The following ZNF536 variants were observed in gnomAD, a reference collection of about 807,000 sequenced individuals.
ZNF536 encodes the protein zinc finger protein 536.
Under a neutral mutation model 84.5 loss-of-function variants are expected in ZNF536, and 13 were observed. That is an observed-to-expected ratio of 0.15 (90% confidence interval 0.10 to 0.24). ZNF536 has a LOEUF of 0.24. Among genes scored for constraint, ZNF536 ranks in the 10% least tolerant of loss-of-function variants. The pLI is 1.00. For missense variants in ZNF536, 1,536 were observed against 1,747.5 expected, an observed-to-expected ratio of 0.88 and a Z score of 2.16; for synonymous variants, 811 against 742.5, an observed-to-expected ratio of 1.09 and a Z score of -1.50.
chr19:30,576,292 G>C (rs1370151585), intron 1 of ZNF536, among the ~76,000 whole-genome samples: 4 of 152,118 alleles, frequency 2.6e-5, no homozygotes, highest in African/African-American at 9.7e-5. Context: ...CCTTGTTCCG[G>C]TGTCAGTGAC....
intron 2 of ZNF536, among the ~76,000 whole-genome samples, chr19:30,517,810 C>A (rs1166099466): frequency 6.6e-6 from 1 of 152,022 alleles, no homozygotes; most frequent in Non-Finnish European, 1.5e-5. Context: ...TACATACATA[C>A]AAACAAAAAA....
At chr19:30,364,059 G>A (rs1022117677) in intron 3 of ZNF536, among the ~76,000 whole-genome samples, 10 of 152,214 alleles carry the variant, frequency 6.6e-5, no homozygotes, top group African/African-American at 2.2e-4. Flanking sequence ...GGTGTGAGAT[G>A]TATAGGATAT....
At chr19:30,335,203 C>T (rs749585866) in intron 2 of ZNF536, among the ~76,000 whole-genome samples, 9 of 152,186 alleles carry the variant, frequency 5.9e-5, no homozygotes, top group Non-Finnish European at 1.2e-4. Context: ...GGCTGTGTAT[C>T]GCTCCCACCC....
At chr19:30,454,960 G>C (rs576906453) in intron 2 of ZNF536, among the ~76,000 whole-genome samples, 73 of 152,326 alleles carry the variant, frequency 4.8e-4, no homozygotes, top group African/African-American at 1.4e-3. Flanking sequence ...TTGAATCCGG[G>C]AGGAGGAGGT....
At chr19:30,636,771 A>T (rs2049083616) in intron 1 of ZNF536, among the ~76,000 whole-genome samples, 1 of 152,150 alleles carries the variant, frequency 6.6e-6, no homozygotes, top group Non-Finnish European at 1.5e-5. Flanking sequence ...GTAGAGTGGG[A>T]TCATTTTCTG....
At chr19:30,700,821 G>C (rs1185186553) in intron 1 of ZNF536, among the ~76,000 whole-genome samples, 1 of 152,222 alleles carries the variant, frequency 6.6e-6, no homozygotes, top group East Asian at 1.9e-4. Context: ...AAGACCTATA[G>C]TTTCTTACCT....
At chr19:30,636,367 C>T (rs2049064999) in intron 1 of ZNF536, among the ~76,000 whole-genome samples, 4 of 152,280 alleles carry the variant, frequency 2.6e-5, no homozygotes, top group Admixed American at 6.5e-5. Context: ...CGTGTCCTGG[C>T]TCCACTGTGG....
intron 2 of ZNF536, among the ~76,000 whole-genome samples, chr19:30,293,844 T>C (rs995029348): frequency 5.3e-5 from 8 of 152,206 alleles, no homozygotes; most frequent in African/African-American, 1.7e-4. Context: ...TGCTAAATAC[T>C]GGAAGAAGGG....
intron 1 of ZNF536, among the ~76,000 whole-genome samples, chr19:30,702,454 C>T (rs779554195): frequency 2.5e-4 from 38 of 151,810 alleles, no homozygotes; most frequent in Non-Finnish European, 4.6e-4. Context: ...TGAGGTGGGG[C>T]GGGCAGTTGG....
intron 1 of ZNF536, among the ~76,000 whole-genome samples, chr19:30,612,832 G>C (rs2048148355): frequency 1.3e-5 from 2 of 152,142 alleles, no homozygotes; most frequent in Non-Finnish European, 2.9e-5. Flanking sequence ...TTAATCTATA[G>C]ACCTTGTTAA....
In ZNF536 at chr19:30,549,271, G is replaced by T; in HGVS notation, c.3652G>T (p.Val1218Phe). ...GCAGCCCACAGGCACCTCCCAGCCC[G>T]TCCAGGGACTGGTCTCACCTTTATC... The part of the protein sequence containing the change: ...SLQPTGTSQP[V>F]QGLVSPLSQA... Residue 1218 changes from valine (V) to phenylalanine (F), a missense_variant, in exon 4 of 5, where the codon GTC (valine) becomes TTC (phenylalanine). Val to Phe is a conservative substitution (Grantham distance 50). Around this residue, in one of 8 missense-constraint regions of ZNF536, gnomAD observed 624 missense variants for 603.1 expected, o/e 1.03. Coordinates refer to ENST00000355537, the MANE Select transcript of ZNF536 (RefSeq NM_014717.3). 1.2e-6 allele frequency: 2 copies of T among 1,613,850 alleles called. No individual in the cohort carries two copies. The highest frequency in any genetic ancestry group is 2.7e-5 in the African/African-American group (2 of 75,076).
At chr19:30,281,111 G>A (rs761713402) in intron 1 of ZNF536, among the ~76,000 whole-genome samples, 13 of 152,028 alleles carry the variant, frequency 8.6e-5, no homozygotes, top group Non-Finnish European at 1.3e-4. Context: ...ATCTTCCTGT[G>A]CTCCCACTTC....
At position 30,452,038 on chromosome 19, in the gene ZNF536, G is replaced by A. The variant is rs1420452788; in HGVS notation, c.2170+6306G>A. Among the ~76,000 whole-genome samples the A allele has an allele frequency of 1.3e-5, 2 of 152,244 alleles. 1 individual carries two copies. Among genetic ancestry groups the A allele is most frequent in the South Asian group, 4.1e-4 (2 of 4,832 alleles). ...TCAGGTCTTGACCACCACCTTGGGT[G>A]TGTTGGGGTGGGAGTTAGTAATTTG... On this transcript the variant is annotated intron_variant, in intron 2 of 4. Coordinates refer to ENST00000355537, the MANE Select transcript of ZNF536 (RefSeq NM_014717.3).
intron 2 of ZNF536, among the ~76,000 whole-genome samples, chr19:30,290,006 T>C (rs2045780473): frequency 2.0e-5 from 3 of 152,204 alleles, no homozygotes; most frequent in Admixed American, 1.3e-4. Context: ...GGAAACTCTA[T>C]ACCCATTAAA....
At chr19:30,271,299 C>CTTTTTTTTTTTTTTTTTT (rs781528411) in intron 1 of ZNF536, among the ~76,000 whole-genome samples, 3 of 111,836 alleles carry the variant, frequency 2.7e-5, no homozygotes, top group Non-Finnish European at 5.1e-5. Flanking sequence ...TTTTTCTTTT[C>CTTTTTTTTTTTTTTTTTT]TTTTTTTTTT....
At chr19:30,509,112 G>A (rs2055300753) in intron 2 of ZNF536, among the ~76,000 whole-genome samples, 1 of 151,086 alleles carries the variant, frequency 6.6e-6, no homozygotes. Context: ...TGGGATTACA[G>A]GCATGAGCCA....
chr19:30,311,323 C>A (rs2046497074), intron 2 of ZNF536, among the ~76,000 whole-genome samples: 1 of 152,130 alleles, frequency 6.6e-6, no homozygotes, highest in Non-Finnish European at 1.5e-5. Context: ...TTTTGCCACC[C>A]CTGTGTGCAG....
chr19:30,472,138 G>A (rs184533223), intron 2 of ZNF536, among the ~76,000 whole-genome samples: 272 of 152,286 alleles, frequency 1.8e-3, no homozygotes, highest in African/African-American at 6.3e-3. Flanking sequence ...GGAGAAGAGT[G>A]TACAGCTGCC....
intron 2 of ZNF536, among the ~76,000 whole-genome samples, chr19:30,338,861 A>T (rs76343613): frequency 0.027 from 4,093 of 152,226 alleles, 187 homozygotes; most frequent in African/African-American, 0.094. Flanking sequence ...CATGCTAGTT[A>T]ACCTCTTTGA....
Sources: gnomAD v4.1 joint callset for allele counts (sites outside exome capture counted in the v4.1 genomes callset) on GRCh38, gnomAD v4.1.1 for gene constraint, gnomAD v4.1.1 regional missense constraint, MANE v1.5 for transcripts, NCBI Gene and HGNC (gene_info 2026-07-23, HGNC 2026-07-21) for gene names.